Variants in CNTNAP4 observed in about 807,000 individuals in gnomAD.
CNTNAP4 encodes contactin associated protein family member 4.
CNTNAP4 carries 98 observed loss-of-function variants against 148.4 expected under a neutral mutation model. The ratio of observed to expected loss-of-function variants is 0.66; its 90% CI spans 0.56 to 0.78. The LOEUF (loss-of-function observed/expected upper bound fraction) is 0.78, where lower values mean the gene tolerates loss of function less well. Ranked by LOEUF, CNTNAP4 falls within the 30% of genes least tolerant of loss-of-function variation. The pLI is 0.00. For missense variants in CNTNAP4, 1,935 were observed against 1,565.6 expected (o/e 1.24, Z -3.98); for synonymous variants, 730 against 565.1 (o/e 1.29, Z -4.14).
At chr16:76,311,113 A>T (rs1961057087) in intron 1 of CNTNAP4, among the ~76,000 whole-genome samples, 1 of 152,180 alleles carries the variant, frequency 6.6e-6, no homozygotes, top group African/African-American at 2.4e-5. Context: ...AGTACAGGTA[A>T]TATTACACAC....
rs1483799971 is a variant in CNTNAP4, at chr16:76,462,045, T to C, written c.1423T>C (p.Ser475Pro). The C allele has an allele frequency of 6.2e-7, 1 of 1,613,902 alleles. No individual in the cohort carries two copies. Residue 475 changes from serine to proline, a missense_variant, in exon 9 of 24, where the codon TCT (serine) becomes CCT (proline). Coordinates refer to ENST00000611870, the MANE Select transcript of CNTNAP4 (RefSeq NM_033401.5). ...LSVAVDGQMA[S>P]AAPLLGPEQI... ...TGTGGCGGTGGACGGCCAGATGGCTTCTGCTGCTCCTCTGCTGGGGCCTGA... is the reference window on the plus strand; with the variant it reads ...TGTGGCGGTGGACGGCCAGATGGCTCCTGCTGCTCCTCTGCTGGGGCCTGA...
chr16:76,466,502 A>G (rs1025691780), intron 9 of CNTNAP4, among the ~76,000 whole-genome samples: 8 of 152,210 alleles, frequency 5.3e-5, no homozygotes, highest in Non-Finnish European at 1.0e-4. Context: ...GTTTCAAAAT[A>G]TCTCATATAC....
At chr16:76,356,133 C>A (rs1255281728) in intron 3 of CNTNAP4, among the ~76,000 whole-genome samples, 1 of 152,032 alleles carries the variant, frequency 6.6e-6, no homozygotes, top group Non-Finnish European at 1.5e-5. Context: ...TCTCGGCGTC[C>A]CAAAGTGCTG....
At chr16:76,359,767 A>G (rs1409065141) in intron 3 of CNTNAP4, among the ~76,000 whole-genome samples, 2 of 152,362 alleles carry the variant, frequency 1.3e-5, no homozygotes, top group Middle Eastern at 3.4e-3. Flanking sequence ...CAGATTGAAC[A>G]CAAAATTCCT....
chr16:76,317,353 T>G (rs989534941), intron 2 of CNTNAP4, among the ~76,000 whole-genome samples: 15 of 145,410 alleles, frequency 1.0e-4, no homozygotes, highest in Non-Finnish European at 1.6e-4. Flanking sequence ...ATCACTTGAA[T>G]ATGTTAAAAG....
chr16:76,302,991 TCA>T (rs1406998436), intron 1 of CNTNAP4, among the ~76,000 whole-genome samples: 1 of 152,344 alleles, frequency 6.6e-6, no homozygotes. Flanking sequence ...AGAATGGTTA[TCA>T]GTTCTTCTGT....
At chr16:76,311,953 A>G (rs1961169005) in intron 1 of CNTNAP4, among the ~76,000 whole-genome samples, 1 of 152,204 alleles carries the variant, frequency 6.6e-6, no homozygotes, top group African/African-American at 2.4e-5. Context: ...TGTTATTTCC[A>G]ATTTGAAAAG....
intron 4 of CNTNAP4, among the ~76,000 whole-genome samples, chr16:76,438,866 C>T (rs1291172499): frequency 6.6e-6 from 1 of 152,176 alleles, no homozygotes. Flanking sequence ...TCAAAACTCT[C>T]CTGTAACCCT....
At chr16:76,337,591 A>G (rs1486633651) in intron 2 of CNTNAP4, among the ~76,000 whole-genome samples, 1 of 152,192 alleles carries the variant, frequency 6.6e-6, no homozygotes. Flanking sequence ...CTGGGCATGC[A>G]TTGTATTGAT....
chr16:76,478,988 T>C (rs2081700420), intron 11 of CNTNAP4, among the ~76,000 whole-genome samples: 1 of 152,158 alleles, frequency 6.6e-6, no homozygotes. Context: ...ACAGCAGATT[T>C]TTTAAGGAAG....
chr16:76,513,047 G>A (rs2083089644), intron 15 of CNTNAP4, among the ~76,000 whole-genome samples: 1 of 152,138 alleles, frequency 6.6e-6, no homozygotes, highest in Admixed American at 6.6e-5. Flanking sequence ...AATGGTAAAT[G>A]GGGGAGAAAG....
At chr16:76,293,450 A>T (rs1404362065) in intron 1 of CNTNAP4, among the ~76,000 whole-genome samples, 10 of 152,192 alleles carry the variant, frequency 6.6e-5, no homozygotes, top group African/African-American at 2.2e-4. Flanking sequence ...TCTTTGATAT[A>T]ACAATATTTA....
At chr16:76,530,970 G>A (rs964877859) in intron 17 of CNTNAP4, among the ~76,000 whole-genome samples, 2 of 152,122 alleles carry the variant, frequency 1.3e-5, no homozygotes. Context: ...CAGCCTGCAT[G>A]CCCTGTCACT....
intron 3 of CNTNAP4, among the ~76,000 whole-genome samples, chr16:76,360,902 C>T (rs1447702396): frequency 1.3e-5 from 2 of 150,868 alleles, no homozygotes; most frequent in African/African-American, 4.9e-5. Flanking sequence ...CTGCAAGCTC[C>T]ACCTCCTGGG....
At chr16:76,507,647 TATG>T (rs1177602999) in intron 15 of CNTNAP4, among the ~76,000 whole-genome samples, 5 of 97,840 alleles carry the variant, frequency 5.1e-5, no homozygotes, top group African/African-American at 1.3e-4. Flanking sequence ...AAAGGTTGGG[TATG>T]AAGTGGACCA....
At chr16:76,359,272 C>T (rs1289468785) in intron 3 of CNTNAP4, among the ~76,000 whole-genome samples, 1 of 152,168 alleles carries the variant, frequency 6.6e-6, no homozygotes, top group Non-Finnish European at 1.5e-5. Flanking sequence ...TCACAATCTG[C>T]TCCACATGAT....
chr16:76,323,188 T>C (rs1186886355), intron 2 of CNTNAP4, among the ~76,000 whole-genome samples: 1 of 152,182 alleles, frequency 6.6e-6, no homozygotes, highest in Non-Finnish European at 1.5e-5. Flanking sequence ...GTCAAATAAT[T>C]AGTTTTTTAA....
intron 17 of CNTNAP4, among the ~76,000 whole-genome samples, chr16:76,530,085 G>C (rs528552072): frequency 6.6e-6 from 1 of 151,646 alleles, no homozygotes; most frequent in South Asian, 2.1e-4. Context: ...TATATTTTAG[G>C]TGAGTCCTTT....
chr16:76,294,980 T>C (rs894653483), intron 1 of CNTNAP4, among the ~76,000 whole-genome samples: 1 of 152,184 alleles, frequency 6.6e-6, no homozygotes, highest in African/African-American at 2.4e-5. Flanking sequence ...AAGGTGCTTA[T>C]AGGGGGGCCG....
Sources: allele counts gnomAD v4.1 joint callset (sites outside exome capture counted in the v4.1 genomes callset), GRCh38; gene constraint gnomAD v4.1.1; transcripts MANE v1.5; gene names NCBI Gene and HGNC (gene_info 2026-07-23, HGNC 2026-07-21).